The following FARP1 variants were observed in gnomAD, a reference collection of about 807,000 sequenced individuals.
FARP1 encodes the protein FERM, ARH/RhoGEF and pleckstrin domain protein 1.
In FARP1, 52 loss-of-function variants were observed where a neutral mutation model predicts 128.8. The ratio of observed to expected loss-of-function variants is 0.40; its 90% CI spans 0.32 to 0.51. The LOEUF is 0.51. Ranked by LOEUF, FARP1 falls within the 20% of genes least tolerant of loss-of-function variation. FARP1 has a pLI of 0.45. For missense variants in FARP1, 1,333 were observed against 1,367.9 expected (o/e 0.97, Z 0.40); for synonymous variants, 580 against 551.8 (o/e 1.05, Z -0.72).
At chr13:98,225,309 A>G (rs937378205) in intron 2 of FARP1, among the ~76,000 whole-genome samples, 2 of 152,166 alleles carry the variant, frequency 1.3e-5, no homozygotes, top group African/African-American at 4.8e-5. Flanking sequence ...ATTGCACCCA[A>G]GTAGATTTCT....
intron 13 of FARP1, chr13:98,396,717 A>C (rs1407851466): frequency 5.3e-6 from 2 of 380,216 alleles, no homozygotes; most frequent in East Asian, 3.8e-5. Context: ...CAAGATAAAC[A>C]GCAAGTCCTA....
Position 98,143,490 on chromosome 13 carries a change from G to T in FARP1, c.-26G>T, listed in dbSNP as rs1474588342. 1.3e-5 allele frequency: 2 copies of T among 150,420 alleles called. No individual in the cohort carries two copies. The highest frequency in any genetic ancestry group is 2.4e-5 in the African/African-American group (1 of 41,260). The allele number at this position is 150,420 out of a possible 1,614,324, so 9.3% of individuals were successfully genotyped here. A position where few individuals can be genotyped will look rare whatever the true frequency, so the allele number is the denominator to read the frequency against. On this transcript the variant is annotated splice_region_variant and 5_prime_UTR_variant, in exon 1 of 27. Transcript: ENST00000319562. ...AGCCGCCGCAGCCGCCGGCGCTGTG[G>T]AGGTAGGAGGCGCGCGGTGAACAAT...
intron 3 of FARP1, among the ~76,000 whole-genome samples, chr13:98,351,774 G>A (rs1368671423): frequency 6.6e-6 from 1 of 151,988 alleles, no homozygotes. Context: ...TTGGGGGTGG[G>A]GAGGCACCAC....
intron 21 of FARP1, among the ~76,000 whole-genome samples, chr13:98,439,593 C>G (rs1380646801): frequency 6.6e-6 from 1 of 152,208 alleles, no homozygotes; most frequent in Non-Finnish European, 1.5e-5. Context: ...CTCCCTGGAG[C>G]TGGGCCAGCC....
chr13:98,266,857 A>C (rs974175012), intron 2 of FARP1, among the ~76,000 whole-genome samples: 2 of 152,006 alleles, frequency 1.3e-5, no homozygotes, highest in Non-Finnish European at 2.9e-5. Flanking sequence ...TACTAAAAAT[A>C]CAAAAAATTA....
At chr13:98,322,595 A>G (rs1434276049) in intron 2 of FARP1, among the ~76,000 whole-genome samples, 3 of 152,186 alleles carry the variant, frequency 2.0e-5, no homozygotes. Flanking sequence ...TCTGACTGCC[A>G]TGCGACCAAG....
At chr13:98,272,255 C>A (rs1400086749) in intron 2 of FARP1, among the ~76,000 whole-genome samples, 1 of 152,108 alleles carries the variant, frequency 6.6e-6, no homozygotes, top group Admixed American at 6.6e-5. Flanking sequence ...GCCTTGAACT[C>A]CTGAGCTCAG....
At position 98,263,793 on chromosome 13, in the gene FARP1, A is replaced by G. The variant is rs1883984265; in HGVS notation, c.171+50380A>G. 2.0e-5 allele frequency among the ~76,000 whole-genome samples: 3 copies of G among 152,188 alleles called. No individual in the cohort carries two copies. The South Asian group carries it at 6.2e-4, about 32-fold the overall frequency. On this transcript the variant is annotated intron_variant, in intron 2 of 26. Coordinates refer to ENST00000319562, the MANE Select transcript of FARP1 (RefSeq NM_005766.4). ...TCTTAGAATTGATCTCACATTTGTG[A>G]ATCTTAACCTTTTATATTGTGACAT...
At chr13:98,308,325 C>T (rs1886276708) in intron 2 of FARP1, among the ~76,000 whole-genome samples, 1 of 152,166 alleles carries the variant, frequency 6.6e-6, no homozygotes, top group African/African-American at 2.4e-5. Context: ...CTCGTGCTCC[C>T]TCAGGGGCAC....
chr13:98,396,534 C>T (rs1246418261), intron 13 of FARP1: 8 of 398,954 alleles, frequency 2.0e-5, no homozygotes, highest in Admixed American at 1.3e-4. Context: ...CCTGGGGTCA[C>T]GAGACCAGGG....
At chr13:98,439,331 A>T in intron 21 of FARP1, 135 bp downstream of exon 21, 3 of 646,114 alleles carry the variant, frequency 4.6e-6, no homozygotes, top group Non-Finnish European at 8.3e-6. Context: ...TGGTTACAAG[A>T]CATGGGCTCA....
intron 3 of FARP1, among the ~76,000 whole-genome samples, chr13:98,361,370 C>G (rs1222689318): frequency 2.0e-5 from 3 of 152,178 alleles, no homozygotes; most frequent in Admixed American, 6.5e-5. Context: ...TCCCTTGGCT[C>G]AAATAGGTGC....
intron 2 of FARP1, among the ~76,000 whole-genome samples, chr13:98,237,798 A>G (rs1882514150): frequency 6.6e-6 from 1 of 152,198 alleles, no homozygotes; most frequent in Non-Finnish European, 1.5e-5. Context: ...CCACCATTTC[A>G]AGATAAATGA....
chr13:98,338,739 C>T (rs1360569150), intron 2 of FARP1: 7 of 152,208 alleles, frequency 4.6e-5, no homozygotes, highest in Admixed American at 6.5e-5. Context: ...ACTGTTTTTC[C>T]ATAGTGGCTG....
intron 2 of FARP1, among the ~76,000 whole-genome samples, chr13:98,294,877 C>T (rs1474652464): frequency 6.6e-6 from 1 of 151,712 alleles, no homozygotes; most frequent in Non-Finnish European, 1.5e-5. Context: ...ATTAGCTGGG[C>T]GTGGTGGAGG....
chr13:98,243,303 A>G (rs1882876730), intron 2 of FARP1, among the ~76,000 whole-genome samples: 1 of 152,286 alleles, frequency 6.6e-6, no homozygotes, highest in Non-Finnish European at 1.5e-5. Flanking sequence ...AGCGTGGTGC[A>G]TTGTGGAATG....
At chr13:98,376,760 T>G (rs1336225910) in intron 5 of FARP1, among the ~76,000 whole-genome samples, 38 of 9,342 alleles carry the variant, frequency 4.1e-3, no homozygotes, top group African/African-American at 0.023. Flanking sequence ...GTTTTTTGTG[T>G]TTTTTTTTTT....
intron 2 of FARP1, among the ~76,000 whole-genome samples, chr13:98,240,229 T>C (rs1465104562): frequency 6.6e-6 from 1 of 152,098 alleles, no homozygotes; most frequent in Non-Finnish European, 1.5e-5. Flanking sequence ...TTTTGGGACT[T>C]TTGGAAAAGG....
intron 1 of FARP1, among the ~76,000 whole-genome samples, chr13:98,193,409 A>AT (rs773488113): frequency 3.9e-4 from 59 of 152,322 alleles, no homozygotes; most frequent in Non-Finnish European, 6.5e-4. Context: ...CAGCTGACTT[A>AT]TTTAGAGCAA....
Sources: gnomAD v4.1 joint callset for allele counts (sites outside exome capture counted in the v4.1 genomes callset) on GRCh38, gnomAD v4.1.1 for gene constraint, MANE v1.5 for transcripts, NCBI Gene and HGNC (gene_info 2026-07-23, HGNC 2026-07-21) for gene names.